PDE6G: variants seen among roughly 807,000 people sequenced by gnomAD.
PDE6G encodes the protein rod cGMP 3',5'-cyclic phosphodiesterase subunit gamma.
Under a neutral mutation model 10.9 loss-of-function variants are expected in PDE6G, and 10 were observed. The ratio of observed to expected loss-of-function variants is 0.91; its 90% CI spans 0.56 to 1.55. The LOEUF (loss-of-function observed/expected upper bound fraction) is 1.55. Among genes scored for constraint, PDE6G ranks in the 40% most tolerant of loss-of-function variants. The pLI, the probability that PDE6G is intolerant of heterozygous loss-of-function variation, is 0.00. For missense variants in PDE6G, 102 were observed against 110.1 expected, an observed-to-expected ratio of 0.93 and a Z score of 0.33; for synonymous variants, 41 against 42.8, an observed-to-expected ratio of 0.96 and a Z score of 0.16.
Position 81,651,104 on chromosome 17 carries a change from C to A in PDE6G, c.234G>T (p.Leu78=). 2 of 1,613,766 alleles carry A rather than the reference C, an allele frequency of 1.2e-6. No homozygotes were observed. The highest frequency in any genetic ancestry group is 1.7e-6 in the Non-Finnish European group (2 of 1,179,698). ...CPWEAFNHLE[L]HELAQYGII ...TGATGCCATATTGGGCCAGCTCGTG[C>A]AGCTCCAGGTGGTTGAAGGCCTCCC... Residue 78 remains leucine, a synonymous_variant, in exon 4 of 4, where the codon CTG becomes CTT. Coordinates refer to ENST00000331056, the MANE Select transcript of PDE6G (RefSeq NM_002602.4). This position sits in a 1 kb window ranked among gnomAD's most constrained non-coding sequence, Gnocchi z 4.8.
Position 81,653,459 on chromosome 17 carries a change from C to T in PDE6G, c.-59-95G>A. 1 of 790,436 alleles carries T rather than the reference C, an allele frequency of 1.3e-6. No individual in the cohort carries two copies. Among genetic ancestry groups the T allele is most frequent in the Non-Finnish European group, 2.0e-6 (1 of 493,822 alleles). 49.0% of individuals were successfully genotyped at this position (790,436 alleles called of 1,614,324 possible). On this transcript the variant is annotated intron_variant, in intron 1 of 3. Coordinates refer to ENST00000331056, the MANE Select transcript of PDE6G (RefSeq NM_002602.4). The surrounding 1 kb of genome is among the most constrained non-coding windows in gnomAD (Gnocchi z 5.2). The stretch of plus-strand genomic sequence containing the variant: ...CCGGTGGAGGGGCTGAGACCCAGCC[C>T]CGCCAGCTCCAGCGTCATCCAGACA...
upstream of PDE6G, among the ~76,000 whole-genome samples, chr17:81,661,515 G>A (rs1217190786): frequency 9.9e-5 from 15 of 152,184 alleles, no homozygotes; most frequent in East Asian, 1.7e-3. Context: ...TCAGGAGTTC[G>A]GGACCAGCCT....
chr17:81,660,373 T>C (rs1364652380), upstream of PDE6G, among the ~76,000 whole-genome samples: 1 of 152,142 alleles, frequency 6.6e-6, no homozygotes, highest in African/African-American at 2.4e-5. Context: ...GATTGTGCCA[T>C]TGCTCTCTAG....
chr17:81,659,758 C>T (rs1392651264), upstream of PDE6G, among the ~76,000 whole-genome samples: 1 of 152,144 alleles, frequency 6.6e-6, no homozygotes, highest in Non-Finnish European at 1.5e-5. Flanking sequence ...TAGCCCTCTA[C>T]GTAATTGCTT....
At chr17:81,656,087 C>T (rs750303537) in intron 1 of PDE6G, among the ~76,000 whole-genome samples, 13 of 152,220 alleles carry the variant, frequency 8.5e-5, no homozygotes, top group Admixed American at 1.3e-4. Context: ...CCAGCTGCTT[C>T]TCCAGCCCTG....
chr17:81,651,276 G>A lies in PDE6G; in HGVS notation c.188-126C>T, dbSNP rs2036349728. 2 of 737,936 alleles carry A rather than the reference G, an allele frequency of 2.7e-6. No homozygotes were observed. Among genetic ancestry groups the A allele is most frequent in the South Asian group, 1.5e-5 (1 of 65,840 alleles). The allele number at this position is 737,936 out of a possible 1,614,324, so 45.7% of individuals were successfully genotyped here. ...GTGTGCTGAGCGGGGACGTGCGGAC[G>A]CTGGAGTGGGGCCCTCCTCTGGGGA... On this transcript the variant is annotated intron_variant, in intron 3 of 3. Transcript: ENST00000331056. This position sits in a 1 kb window ranked among gnomAD's most constrained non-coding sequence, Gnocchi z 4.8.
chr17:81,653,145 C>T lies in PDE6G; in HGVS notation c.146+15G>A, dbSNP rs746844739. The T allele has an allele frequency of 1.2e-6, 2 of 1,614,002 alleles. No homozygotes were observed. The highest frequency in any genetic ancestry group is 1.7e-5 in the Admixed American group (1 of 60,010). ...CTCCTCCCTTTCAGAGGCCCCATCC[C>T]CCAGCTCTGCTTACCCTTGAACGCC... On this transcript the variant is annotated intron_variant, in intron 2 of 3. Coordinates refer to ENST00000331056, the MANE Select transcript of PDE6G (RefSeq NM_002602.4). This position sits in a 1 kb window ranked among gnomAD's most constrained non-coding sequence, Gnocchi z 5.2.
At chr17:81,658,793 A>T (rs1009582664), upstream of PDE6G, among the ~76,000 whole-genome samples, 1 of 151,818 alleles carries the variant, frequency 6.6e-6, no homozygotes, top group Admixed American at 6.6e-5. Flanking sequence ...GTGAGCTGAG[A>T]TTGCACCACT....
chr17:81,657,200 T>G (rs900630868), upstream of PDE6G: 4 of 155,466 alleles, frequency 2.6e-5, no homozygotes, highest in Non-Finnish European at 5.7e-5. Context: ...TCTTAGCAGG[T>G]GCTCCTCAGT....
chr17:81,657,228 G>T (rs1282764865), upstream of PDE6G, among the ~76,000 whole-genome samples: 1 of 152,166 alleles, frequency 6.6e-6, no homozygotes, highest in Non-Finnish European at 1.5e-5. Flanking sequence ...CAGAAACAGG[G>T]ACTCCCACCA....
In PDE6G at chr17:81,653,115, A is replaced by C; in HGVS notation, c.146+45T>G. The C allele has an allele frequency of 6.2e-7, 1 of 1,600,518 alleles. No individual in the cohort carries two copies. Among genetic ancestry groups the C allele is most frequent in the Non-Finnish European group, 8.5e-7 (1 of 1,171,390 alleles). On this transcript the variant is annotated intron_variant, in intron 2 of 3. Transcript: ENST00000331056. This position sits in a 1 kb window ranked among gnomAD's most constrained non-coding sequence, Gnocchi z 5.2. Reference sequence around the variant, plus strand: ...CCTCCCCTTCCTGTGCAGCCTCAGGACCGCCTCCTCCCTTTCAGAGGCCCC... The same window carrying C: ...CCTCCCCTTCCTGTGCAGCCTCAGGCCCGCCTCCTCCCTTTCAGAGGCCCC...
chr17:81,650,585 T>C lies in PDE6G; in HGVS notation c.*489A>G, dbSNP rs1308841953. 2.2e-6 allele frequency: 1 copy of C among 454,348 alleles called. No homozygotes were observed. Among genetic ancestry groups the C allele is most frequent in the Non-Finnish European group, 4.4e-6 (1 of 226,930 alleles). 28.1% of individuals were successfully genotyped at this position (454,348 alleles called of 1,614,324 possible). A position where few individuals can be genotyped will look rare whatever the true frequency, so the allele number is the denominator to read the frequency against. On this transcript the variant is annotated 3_prime_UTR_variant, in exon 4 of 4. Transcript: ENST00000331056. The stretch of plus-strand genomic sequence containing the variant: ...CACCGTGCACGCCCTGGAGTCCTGC[T>C]ACCCAGCATGTCCAAACTAAGGGCA...
Position 81,650,583 on chromosome 17 carries a change from G to A in PDE6G, c.*491C>T. ...CTCACCGTGCACGCCCTGGAGTCCT[G>A]CTACCCAGCATGTCCAAACTAAGGG... On this transcript the variant is annotated 3_prime_UTR_variant, in exon 4 of 4. Coordinates refer to ENST00000331056, the MANE Select transcript of PDE6G (RefSeq NM_002602.4). The A allele has an allele frequency of 2.2e-6, 1 of 454,328 alleles. No individual in the cohort carries two copies. The highest frequency in any genetic ancestry group is 4.4e-6 in the Non-Finnish European group (1 of 226,926). The allele number at this position is 454,328 out of a possible 1,614,324, so 28.1% of individuals were successfully genotyped here. A position where few individuals can be genotyped will look rare whatever the true frequency, so the allele number is the denominator to read the frequency against.
Position 81,652,637 on chromosome 17 carries a change from G to A in PDE6G, c.146+523C>T, listed in dbSNP as rs146894838. ...GTTGCCCAGCCTGGAGTGCAATGGC[G>A]CGATCTCAGCTCACCACAACCTCTG... On this transcript the variant is annotated intron_variant, in intron 2 of 3. Coordinates refer to ENST00000331056, the MANE Select transcript of PDE6G (RefSeq NM_002602.4). Among the ~76,000 whole-genome samples, 1,455 of 151,228 alleles carry A rather than the reference G, an allele frequency of 9.6e-3. 6 individuals carry two copies. Among genetic ancestry groups the A allele is most frequent in the African/African-American group, 0.013 (515 of 41,162 alleles).
intron 1 of PDE6G, among the ~76,000 whole-genome samples, chr17:81,661,992 C>A (rs181996825): frequency 6.6e-6 from 1 of 151,864 alleles, no homozygotes; most frequent in Non-Finnish European, 1.5e-5. Flanking sequence ...GATCGCACCA[C>A]TACACTCCAA....
At chr17:81,660,481 G>A (rs563856646), upstream of PDE6G, among the ~76,000 whole-genome samples, 1 of 152,302 alleles carries the variant, frequency 6.6e-6, no homozygotes, top group Non-Finnish European at 1.5e-5. Context: ...ACAAGCACAA[G>A]TTAAGGAATG....
upstream of PDE6G, among the ~76,000 whole-genome samples, chr17:81,660,109 A>G (rs1183698669): frequency 2.0e-5 from 3 of 151,934 alleles, no homozygotes; most frequent in Non-Finnish European, 2.9e-5. Flanking sequence ...AAAAAAAGAA[A>G]AGAAACAAAA....
intron 1 of PDE6G, among the ~76,000 whole-genome samples, chr17:81,656,043 C>T (rs1046552160): frequency 6.6e-6 from 1 of 152,082 alleles, no homozygotes; most frequent in Non-Finnish European, 1.5e-5. Flanking sequence ...CCCATGGCAC[C>T]CAATCCTCAT....
chr17:81,650,785 C>G lies in PDE6G; in HGVS notation c.*289G>C, dbSNP rs952506492. The G allele has an allele frequency of 1.9e-6, 1 of 525,584 alleles. No homozygotes were observed. The highest frequency in any genetic ancestry group is 1.9e-5 in the African/African-American group (1 of 52,414). 32.6% of individuals were successfully genotyped at this position (525,584 alleles called of 1,614,324 possible). A position where few individuals can be genotyped will look rare whatever the true frequency, so the allele number is the denominator to read the frequency against. ...GGCTGGGGTCCACTTCCCGTTCTCC[C>G]TGGGAGTGGAGACCGACCAAGCCTC... is the stretch of plus-strand genomic sequence containing the variant. On this transcript the variant is annotated 3_prime_UTR_variant, in exon 4 of 4. Coordinates refer to ENST00000331056, the MANE Select transcript of PDE6G (RefSeq NM_002602.4).
Sources: gnomAD v4.1 joint callset for allele counts (sites outside exome capture counted in the v4.1 genomes callset) on GRCh38, gnomAD v4.1.1 for gene constraint, Gnocchi (gnomAD v3.1) non-coding constraint, MANE v1.5 for transcripts, NCBI Gene and HGNC (gene_info 2026-07-23, HGNC 2026-07-21) for gene names.